TAF15: variants seen among roughly 807,000 people sequenced by gnomAD.
The protein encoded by TAF15 is TATA-binding protein-associated factor 2N.
In TAF15, 37 loss-of-function variants were observed where a neutral mutation model predicts 102.5. That is an observed-to-expected ratio of 0.36 (90% CI 0.28 to 0.47). TAF15 has a LOEUF of 0.47. TAF15 is among the 20% of genes least tolerant of loss of function. The probability of loss-of-function intolerance (pLI) is 0.99; values close to 1 mark genes in which losing one functional copy is unlikely to be tolerated. For synonymous variants in TAF15, 273 were observed against 259.2 expected (o/e 1.05, Z -0.51); for missense variants, 652 against 760.7 (o/e 0.86, Z 1.68).
chr17:35,811,626 C>T (rs2087125237), intron 1 of TAF15: 1 of 152,056 alleles, frequency 6.6e-6, no homozygotes, highest in African/African-American at 2.4e-5. Context: ...TTAAACATTC[C>T]AGACTACACA....
At chr17:35,813,062 G>T (rs1289244110) in intron 1 of TAF15, among the ~76,000 whole-genome samples, 1 of 149,468 alleles carries the variant, frequency 6.7e-6, no homozygotes, top group Non-Finnish European at 1.5e-5. Flanking sequence ...AGGAGGCAGA[G>T]GTTGCAGTTT....
rs574534265 is a variant in TAF15 at position 35,844,574 on chromosome 17, T to C, written c.1275T>C (p.Gly425=). ...RGGYGGDRSG[G]GYGGDRSSGG... ...GCTATGGTGGAGACAGAAGTGGGGGTGGCTATGGTGGAGACAGAAGCAGCG... is the reference window on the plus strand; with the variant it reads ...GCTATGGTGGAGACAGAAGTGGGGGCGGCTATGGTGGAGACAGAAGCAGCG... Residue 425 remains glycine, a synonymous_variant, in exon 15 of 16, where the codon GGT becomes GGC. Coordinates refer to ENST00000605844, the MANE Select transcript of TAF15 (RefSeq NM_139215.3). 2.7e-5 allele frequency: 42 copies of C among 1,545,456 alleles called. No homozygotes were observed. The highest frequency in any genetic ancestry group is 5.8e-5 in the South Asian group (5 of 86,358).
At chr17:35,823,094 A>G (rs914818694) in intron 6 of TAF15, among the ~76,000 whole-genome samples, 27 of 152,118 alleles carry the variant, frequency 1.8e-4, no homozygotes, top group African/African-American at 6.3e-4. Flanking sequence ...CCTTGACAAT[A>G]CTGCTGGTAC....
intron 1 of TAF15, chr17:35,809,940 T>C: frequency 2.3e-6 from 1 of 427,686 alleles, no homozygotes; most frequent in Non-Finnish European, 4.3e-6. Context: ...AAGCGGTGCT[T>C]CTGGTTCTCC....
intron 5 of TAF15, among the ~76,000 whole-genome samples, 187 bp downstream of exon 5, chr17:35,820,624 G>C (rs970944002): frequency 1.3e-5 from 2 of 151,748 alleles, no homozygotes; most frequent in Non-Finnish European, 2.9e-5. Context: ...TGATTCTTAT[G>C]ATGTATTTGT....
chr17:35,839,419 T>C (rs576954862), intron 11 of TAF15, among the ~76,000 whole-genome samples: 2 of 142,448 alleles, frequency 1.4e-5, no homozygotes, highest in African/African-American at 5.3e-5. Context: ...TCTCGCTTTG[T>C]CTCCCGGGCT....
chr17:35,819,517 T>C (rs1027314763), intron 2 of TAF15, among the ~76,000 whole-genome samples: 1 of 152,198 alleles, frequency 6.6e-6, no homozygotes, highest in East Asian at 1.9e-4. Flanking sequence ...CCTCTAATTA[T>C]TGAGACTTTT....
At chr17:35,819,499 T>A (rs2087234631) in intron 2 of TAF15, among the ~76,000 whole-genome samples, 1 of 152,202 alleles carries the variant, frequency 6.6e-6, no homozygotes, top group Non-Finnish European at 1.5e-5. Context: ...ACTGTGGGGA[T>A]AAACATGCCT....
intron 9 of TAF15, 65 bp from the exon 10 acceptor site, chr17:35,836,067 G>A (rs1236231061): frequency 8.9e-7 from 1 of 1,118,494 alleles, no homozygotes; most frequent in East Asian, 2.4e-5. Context: ...TATTGTCTTT[G>A]ATTACTGAAC....
intron 11 of TAF15, among the ~76,000 whole-genome samples, chr17:35,840,776 C>A (rs1270630536): frequency 6.6e-6 from 1 of 151,798 alleles, no homozygotes; most frequent in African/African-American, 2.4e-5. Context: ...AGGCAGGAGA[C>A]TTGCTTGAAC....
chr17:35,840,189 C>A (rs779820418), intron 11 of TAF15, among the ~76,000 whole-genome samples: 1 of 150,934 alleles, frequency 6.6e-6, no homozygotes, highest in African/African-American at 2.4e-5. Context: ...CTTGCAGTTC[C>A]TTTCAGTTTC....
chr17:35,838,472 G>A lies in TAF15; in HGVS notation c.832G>A (p.Asp278Asn). Reference sequence around the variant, plus strand: ...AATGATAAATCTTTATACAGACAAGGACACAGGAAAGCCAAAGGGGGAGGC... The same window carrying A: ...AATGATAAATCTTTATACAGACAAGAACACAGGAAAGCCAAAGGGGGAGGC... ...KPMINLYTDK[D>N]TGKPKGEATV... Residue 278 changes from aspartate to asparagine, a missense_variant, in exon 11 of 16, where the codon GAC (aspartate) becomes AAC (asparagine). Coordinates refer to ENST00000605844, the MANE Select transcript of TAF15 (RefSeq NM_139215.3). 1 of 1,614,142 alleles carries A rather than the reference G, an allele frequency of 6.2e-7. No homozygotes were observed. Among genetic ancestry groups the A allele is most frequent in the Non-Finnish European group, 8.5e-7 (1 of 1,180,032 alleles).
chr17:35,820,965 G>A (rs1300280668), intron 5 of TAF15, among the ~76,000 whole-genome samples: 1 of 152,010 alleles, frequency 6.6e-6, no homozygotes, highest in African/African-American at 2.4e-5. Context: ...TTAATTTTAT[G>A]CTATTTACTT....
chr17:35,845,524 T>C (rs2087613467), intron 15 of TAF15, among the ~76,000 whole-genome samples: 1 of 152,042 alleles, frequency 6.6e-6, no homozygotes. Context: ...CCAAAGTGTT[T>C]GGATTACAGA....
At chr17:35,818,293 C>T (rs2087218837) in intron 2 of TAF15, 2 of 154,914 alleles carry the variant, frequency 1.3e-5, no homozygotes, top group East Asian at 1.9e-4. Flanking sequence ...GATGGGGTTT[C>T]ACCGTGTTAG....
intron 9 of TAF15, among the ~76,000 whole-genome samples, chr17:35,835,110 A>G (rs2087458716): frequency 6.6e-6 from 1 of 152,140 alleles, no homozygotes. Context: ...TTTGCTGGGG[A>G]AAATTGCTGT....
intron 1 of TAF15, among the ~76,000 whole-genome samples, chr17:35,811,822 A>G (rs1252988801): frequency 6.6e-6 from 1 of 152,264 alleles, no homozygotes; most frequent in Non-Finnish European, 1.5e-5. Context: ...TAAAAATTAC[A>G]AAGTCAAGAT....
chr17:35,839,862 G>C (rs2087522663), intron 11 of TAF15, among the ~76,000 whole-genome samples: 1 of 152,006 alleles, frequency 6.6e-6, no homozygotes, highest in South Asian at 2.1e-4. Flanking sequence ...TTTAAAGGTA[G>C]TCATTTCCCC....
intron 1 of TAF15, among the ~76,000 whole-genome samples, chr17:35,814,683 T>C (rs972446420): frequency 3.3e-5 from 5 of 151,792 alleles, no homozygotes; most frequent in East Asian, 1.9e-4. Flanking sequence ...TGAAACTCCA[T>C]CTCTATTAAA....
Sources: allele counts gnomAD v4.1 joint callset (sites outside exome capture counted in the v4.1 genomes callset), GRCh38; gene constraint gnomAD v4.1.1; transcripts MANE v1.5; gene names NCBI Gene and HGNC (gene_info 2026-07-23, HGNC 2026-07-21).